The following XPR1 variants were observed in gnomAD, a reference collection of about 807,000 sequenced individuals.
The protein encoded by XPR1 is xenotropic and polytropic retrovirus receptor 1.
Under a neutral mutation model 87.5 loss-of-function variants are expected in XPR1, and 28 were observed. The observed-to-expected ratio is 0.32, with a 90% CI of 0.24 to 0.44. The LOEUF (loss-of-function observed/expected upper bound fraction) is 0.44. XPR1 is among the 20% of genes least tolerant of loss of function. The probability of loss-of-function intolerance (pLI) is 1.00; values close to 1 mark genes in which losing one functional copy is unlikely to be tolerated. For missense variants in XPR1, 559 were observed against 862.3 expected, an observed-to-expected ratio of 0.65 and a Z score of 4.41; for synonymous variants, 300 against 306.1, an observed-to-expected ratio of 0.98 and a Z score of 0.21.
At chr1:180,688,858 T>C (rs1007115080) in intron 2 of XPR1, among the ~76,000 whole-genome samples, 2 of 152,174 alleles carry the variant, frequency 1.3e-5, no homozygotes, top group African/African-American at 4.8e-5. Context: ...CTTACATCTT[T>C]ATTTTTTTTT....
At chr1:180,779,096 T>C (rs57893270) in intron 2 of XPR1, among the ~76,000 whole-genome samples, 2,556 of 152,282 alleles carry the variant, frequency 0.017, 80 homozygotes, top group African/African-American at 0.056. Flanking sequence ...TTATCCTTGT[T>C]CTTTCTTATC....
intron 2 of XPR1, among the ~76,000 whole-genome samples, chr1:180,685,455 GT>G (rs1457398049): frequency 1.3e-5 from 2 of 151,964 alleles, no homozygotes; most frequent in Non-Finnish European, 2.9e-5. Context: ...CTCTTTTTTT[GT>G]TGTGTCTCTG....
intron 7 of XPR1, among the ~76,000 whole-genome samples, chr1:180,820,655 C>CT (rs1650594241): frequency 6.6e-6 from 1 of 152,178 alleles, no homozygotes; most frequent in Non-Finnish European, 1.5e-5. Context: ...TTCACAGAGG[C>CT]TTTACCATTT....
At chr1:180,759,338 G>GA (rs1407917000) in intron 2 of XPR1, among the ~76,000 whole-genome samples, 4 of 151,984 alleles carry the variant, frequency 2.6e-5, no homozygotes, top group Admixed American at 1.3e-4. Flanking sequence ...CTGGTTTTTT[G>GA]AAAGATCAAC....
At chr1:180,643,825 T>G (rs1233559980) in intron 1 of XPR1, among the ~76,000 whole-genome samples, 1 of 152,100 alleles carries the variant, frequency 6.6e-6, no homozygotes, top group African/African-American at 2.4e-5. Flanking sequence ...GGACTTTCAC[T>G]GAAGGGATAA....
At chr1:180,842,540 G>A (rs1651553001) in intron 11 of XPR1, among the ~76,000 whole-genome samples, 1 of 152,170 alleles carries the variant, frequency 6.6e-6, no homozygotes, top group South Asian at 2.1e-4. Flanking sequence ...CTAGTAGCCA[G>A]TCTCCATATT....
chr1:180,691,111 C>T (rs963125667), intron 2 of XPR1, among the ~76,000 whole-genome samples: 3 of 152,006 alleles, frequency 2.0e-5, no homozygotes, highest in Non-Finnish European at 2.9e-5. Flanking sequence ...GCAGATGATA[C>T]AAGATTATAA....
At chr1:180,723,605 T>C (rs1658244219) in intron 2 of XPR1, among the ~76,000 whole-genome samples, 2 of 152,160 alleles carry the variant, frequency 1.3e-5, no homozygotes, top group African/African-American at 4.8e-5. Flanking sequence ...TGACATAATA[T>C]AGTCCCATTC....
chr1:180,649,484 G>GA (rs1328222732), intron 1 of XPR1, among the ~76,000 whole-genome samples: 1 of 152,076 alleles, frequency 6.6e-6, no homozygotes, highest in Non-Finnish European at 1.5e-5. Flanking sequence ...TAAATATTAA[G>GA]TGCTTAACTT....
At chr1:180,721,732 C>T (rs1453018002) in intron 2 of XPR1, among the ~76,000 whole-genome samples, 1 of 152,148 alleles carries the variant, frequency 6.6e-6, no homozygotes, top group Non-Finnish European at 1.5e-5. Flanking sequence ...CCTCCTTTTC[C>T]TCAGCATATT....
chr1:180,843,405 A>G (rs1298658577), intron 11 of XPR1, among the ~76,000 whole-genome samples: 1 of 152,166 alleles, frequency 6.6e-6, no homozygotes, highest in Non-Finnish European at 1.5e-5. Context: ...TTTCTGCTGT[A>G]ATTTCCTAGC....
At chr1:180,704,827 T>TTTTG (rs1553238833) in intron 2 of XPR1, among the ~76,000 whole-genome samples, 1 of 145,290 alleles carries the variant, frequency 6.9e-6, no homozygotes, top group Non-Finnish European at 1.5e-5. Flanking sequence ...TTTTTTTTTT[T>TTTTG]TTTTTTTTTT....
chr1:180,671,817 TTTTG>T lies in XPR1; in HGVS notation c.70-10527_70-10524del, dbSNP rs202182122. 4.9e-4 allele frequency among the ~76,000 whole-genome samples: 74 copies of T among 152,158 alleles called. No individual in the cohort carries two copies. The South Asian group carries it at 6.8e-3, about 14-fold the overall frequency. ...TGTGAGTCACCGCACACAGCCAACT[TTTTG>T]TTTGTTTGTTTGTTTAAAGAGACAG... On this transcript the variant is annotated intron_variant, in intron 1 of 14. Coordinates refer to ENST00000367590, the MANE Select transcript of XPR1 (RefSeq NM_004736.4).
At chr1:180,782,126 C>A (rs1414971509) in intron 2 of XPR1, among the ~76,000 whole-genome samples, 3 of 151,574 alleles carry the variant, frequency 2.0e-5, no homozygotes, top group East Asian at 3.9e-4. Context: ...TTCTCAAAGT[C>A]ATTCTTTACC....
At chr1:180,714,353 CT>C (rs1393900326) in intron 2 of XPR1, among the ~76,000 whole-genome samples, 2 of 48,498 alleles carry the variant, frequency 4.1e-5, no homozygotes, top group Non-Finnish European at 7.4e-5. Flanking sequence ...TCCCTGTTCT[CT>C]CTCTCTCTCT....
intron 2 of XPR1, among the ~76,000 whole-genome samples, chr1:180,767,827 T>G (rs1000983762): frequency 2.0e-5 from 3 of 152,070 alleles, no homozygotes; most frequent in Non-Finnish European, 4.4e-5. Context: ...TAATGAAGGT[T>G]TATTACTCTT....
At chr1:180,790,400 C>T (rs1387488553) in intron 3 of XPR1, among the ~76,000 whole-genome samples, 2 of 151,914 alleles carry the variant, frequency 1.3e-5, no homozygotes, top group Admixed American at 6.6e-5. Context: ...TATATCCTCC[C>T]CCTCATCTTT....
intron 11 of XPR1, among the ~76,000 whole-genome samples, chr1:180,862,865 G>T (rs1202742629): frequency 6.6e-6 from 1 of 151,998 alleles, no homozygotes; most frequent in African/African-American, 2.4e-5. Context: ...AACCATATTA[G>T]TAGTTATATA....
chr1:180,767,425 C>G (rs1265944089), intron 2 of XPR1, among the ~76,000 whole-genome samples: 1 of 152,148 alleles, frequency 6.6e-6, no homozygotes, highest in Non-Finnish European at 1.5e-5. Flanking sequence ...TCTGTTCAGT[C>G]ATTTTGATAG....
Sources: allele counts gnomAD v4.1 joint callset (sites outside exome capture counted in the v4.1 genomes callset), GRCh38; gene constraint gnomAD v4.1.1; transcripts MANE v1.5; gene names NCBI Gene and HGNC (gene_info 2026-07-23, HGNC 2026-07-21).